CDON: variants seen among roughly 807,000 people sequenced by gnomAD.
CDON encodes cell adhesion associated, oncogene regulated, also known as cell adhesion molecule-related/down-regulated by oncogenes.
A neutral mutation model predicts 120.9 loss-of-function variants in CDON; 73 were observed. The observed-to-expected ratio is 0.60, with a 90% confidence interval of 0.50 to 0.73. The LOEUF is 0.73. CDON is among the 30% of genes least tolerant of loss of function. CDON has a pLI of 0.00. For missense variants in CDON, 1,470 were observed against 1,587.3 expected (o/e 0.93, Z 1.26); for synonymous variants, 566 against 573.5 (o/e 0.99, Z 0.19).
At chr11:126,048,289 A>AT (rs1259996942) in intron 1 of CDON, among the ~76,000 whole-genome samples, 2 of 151,782 alleles carry the variant, frequency 1.3e-5, no homozygotes, top group African/African-American at 2.4e-5. Context: ...TCTCAAAAAA[A>AT]AAAAAAAGAA....
At chr11:125,989,593 T>C (rs779657567) in intron 15 of CDON, 44 bp downstream of exon 15, 4 of 1,584,900 alleles carry the variant, frequency 2.5e-6, no homozygotes, top group African/African-American at 2.7e-5. Flanking sequence ...TAATCCAGGG[T>C]TGGAATTCTA....
chr11:125,997,156 T>A, intron 12 of CDON, 51 bp downstream of exon 12: 1 of 1,311,674 alleles, frequency 7.6e-7, no homozygotes, highest in Non-Finnish European at 1.1e-6. Flanking sequence ...TATAAATATA[T>A]GGATCTAAAG....
At chr11:126,015,602 A>C in intron 6 of CDON, 92 bp from the exon 7 acceptor site, 2 of 1,290,972 alleles carry the variant, frequency 1.5e-6, no homozygotes, top group Non-Finnish European at 2.2e-6. Flanking sequence ...TCTACCAATA[A>C]CCAGTTGAAA....
chr11:126,019,154 C>G (rs1947557185), intron 4 of CDON, among the ~76,000 whole-genome samples: 1 of 152,072 alleles, frequency 6.6e-6, no homozygotes, highest in East Asian at 1.9e-4. Context: ...TTTCTGCCAA[C>G]AATGGCCAGG....
intron 18 of CDON, among the ~76,000 whole-genome samples, chr11:125,968,225 T>A (rs1181017322): frequency 6.6e-6 from 1 of 152,244 alleles, no homozygotes; most frequent in African/African-American, 2.4e-5. Flanking sequence ...AATGTTGATA[T>A]AACAAAACAA....
intron 4 of CDON, 70 bp from the exon 5 acceptor site, chr11:126,018,543 C>A: frequency 7.6e-7 from 1 of 1,309,474 alleles, no homozygotes; most frequent in African/African-American, 1.4e-5. Flanking sequence ...CTAAAACTCA[C>A]AAAGGCTGAT....
chr11:126,022,101 CAAAA>C (rs56788784), intron 2 of CDON, among the ~76,000 whole-genome samples: 5 of 56,552 alleles, frequency 8.8e-5, no homozygotes, highest in South Asian at 7.2e-4. Context: ...GACCCTGCTT[CAAAA>C]AAAAAAAAAA....
chr11:125,998,883 C>T (rs1005816188), intron 11 of CDON, among the ~76,000 whole-genome samples: 1 of 152,140 alleles, frequency 6.6e-6, no homozygotes, highest in Admixed American at 6.5e-5. Context: ...GCCATGGTGA[C>T]GCTAGTTACT....
At chr11:126,016,800 TG>T (rs1479128049) in intron 6 of CDON, among the ~76,000 whole-genome samples, 1 of 152,182 alleles carries the variant, frequency 6.6e-6, no homozygotes, top group African/African-American at 2.4e-5. Flanking sequence ...TCCATTCTCC[TG>T]ATTTCCAGTT....
intron 5 of CDON, among the ~76,000 whole-genome samples, chr11:126,017,620 A>G (rs1428343972): frequency 6.6e-6 from 1 of 152,008 alleles, no homozygotes; most frequent in Admixed American, 6.6e-5. Flanking sequence ...GCTATGCTCT[A>G]TTGGTGCTAC....
At chr11:126,061,037 C>T (rs1250421233) in intron 1 of CDON, among the ~76,000 whole-genome samples, 2 of 152,226 alleles carry the variant, frequency 1.3e-5, no homozygotes, top group Non-Finnish European at 2.9e-5. Context: ...ACACAAACAA[C>T]AGCACAGTAC....
At chr11:125,996,161 AACACACAC>A (rs35536827) in intron 12 of CDON, among the ~76,000 whole-genome samples, 3,174 of 145,964 alleles carry the variant, frequency 0.022, 56 homozygotes, top group African/African-American at 0.052. Context: ...GTCACAGCAA[AACACACAC>A]ACACACACAC....
chr11:126,000,886 C>T lies in CDON; in HGVS notation c.2158+833G>A, dbSNP rs573510090. ...TTTTAAGTCTTCCCTAGATGTCCTG[C>T]CTGATGTTTTAGGACAATCACAAAA... On this transcript the variant is annotated intron_variant, in intron 11 of 19. Transcript: ENST00000531738. Among the ~76,000 whole-genome samples the T allele has an allele frequency of 2.0e-5, 3 of 152,062 alleles. No individual in the cohort carries two copies. In the South Asian group the frequency reaches 6.2e-4, roughly 32 times the overall value.
chr11:126,027,667 C>T (rs923708050), intron 1 of CDON, among the ~76,000 whole-genome samples: 29 of 152,164 alleles, frequency 1.9e-4, no homozygotes, highest in African/African-American at 6.5e-4. Context: ...TCATTTTTCT[C>T]ACCTACAGAA....
In CDON at chr11:126,014,120, C is replaced by T. The variant is rs578085198; in HGVS notation, c.1198+1121G>A. ...TAAATAACTTACACTAATGTCAGAA[C>T]ATTTGGTCCATATTATATTGATTTT... is the stretch of plus-strand genomic sequence containing the variant. On this transcript the variant is annotated intron_variant, in intron 7 of 19. Coordinates refer to ENST00000531738, the MANE Select transcript of CDON (RefSeq NM_001378964.1). 5.3e-5 allele frequency among the ~76,000 whole-genome samples: 8 copies of T among 152,088 alleles called. No individual in the cohort carries two copies. The East Asian group carries it at 1.2e-3, about 22-fold the overall frequency.
At chr11:125,964,907 A>G (rs909329779) in intron 18 of CDON, among the ~76,000 whole-genome samples, 1 of 152,316 alleles carries the variant, frequency 6.6e-6, no homozygotes, top group Non-Finnish European at 1.5e-5. Context: ...TATGGCTGCC[A>G]CGTTTTGTTG....
intron 17 of CDON, among the ~76,000 whole-genome samples, chr11:125,979,045 C>G (rs1361629165): frequency 6.6e-6 from 1 of 152,156 alleles, no homozygotes; most frequent in Non-Finnish European, 1.5e-5. Flanking sequence ...AAAATGTTCA[C>G]TTGACAGACA....
At chr11:125,987,075 C>T (rs1206916222) in intron 15 of CDON, among the ~76,000 whole-genome samples, 1 of 152,180 alleles carries the variant, frequency 6.6e-6, no homozygotes, top group Admixed American at 6.5e-5. Context: ...ATCATGATTA[C>T]TCCTAGGGAA....
Position 126,018,367 on chromosome 11 carries a change from T to C in CDON, c.603A>G (p.Leu201=), listed in dbSNP as rs1282980668. The C allele has an allele frequency of 6.2e-7, 1 of 1,614,072 alleles. No homozygotes were observed. The highest frequency in any genetic ancestry group is 1.1e-5 in the South Asian group (1 of 91,076). Residue 201 remains leucine (L), a synonymous_variant, in exon 5 of 20, where the codon TTA becomes TTG. Coordinates refer to ENST00000531738, the MANE Select transcript of CDON (RefSeq NM_001378964.1). The stretch of plus-strand genomic sequence containing the variant: ...GCTTTCGGCCAATAGGTTCAACTTT[T>C]AATTGATGTGTGACAGGATTATAAG... ...CAAYNPVTHQ[L]KVEPIGRKLL... is the part of the protein sequence containing the mutation.
Sources: gnomAD v4.1 joint callset for allele counts (sites outside exome capture counted in the v4.1 genomes callset) on GRCh38, gnomAD v4.1.1 for gene constraint, MANE v1.5 for transcripts, NCBI Gene and HGNC (gene_info 2026-07-23, HGNC 2026-07-21) for gene names.